The following CAMK4 variants were observed in gnomAD, a reference collection of about 807,000 sequenced individuals.
The protein encoded by CAMK4 is calcium/calmodulin dependent protein kinase IV.
Under a neutral mutation model 44.9 loss-of-function variants are expected in CAMK4, and 22 were observed. That is an observed-to-expected ratio of 0.49 (90% confidence interval 0.35 to 0.70). CAMK4 has a LOEUF of 0.70. Ranked by LOEUF, CAMK4 falls within the 30% of genes least tolerant of loss-of-function variation. CAMK4 has a pLI of 0.01. For synonymous variants in CAMK4, 218 were observed against 215.4 expected, an observed-to-expected ratio of 1.01 and a Z score of -0.11; for missense variants, 498 against 586.8, an observed-to-expected ratio of 0.85 and a Z score of 1.56.
intron 4 of CAMK4, among the ~76,000 whole-genome samples, chr5:111,390,646 A>G (rs1418883352): frequency 6.6e-6 from 1 of 152,226 alleles, no homozygotes; most frequent in Non-Finnish European, 1.5e-5. Context: ...CATCTTATGC[A>G]GTGCTATTAG....
At chr5:111,383,490 A>G (rs1415046696) in intron 4 of CAMK4, among the ~76,000 whole-genome samples, 2 of 152,194 alleles carry the variant, frequency 1.3e-5, no homozygotes, top group South Asian at 2.1e-4. Context: ...CTTATTACTC[A>G]TGGCACAGCA....
intron 1 of CAMK4, among the ~76,000 whole-genome samples, chr5:111,273,677 TTATATATATA>T (rs1160351356): frequency 7.5e-4 from 31 of 41,128 alleles, no homozygotes; most frequent in South Asian, 4.0e-3. Context: ...AAAAATGCAT[TTATATATATA>T]TATATATATA....
At chr5:111,451,678 A>T (rs1306265751) in intron 7 of CAMK4, among the ~76,000 whole-genome samples, 1 of 151,944 alleles carries the variant, frequency 6.6e-6, no homozygotes, top group Non-Finnish European at 1.5e-5. Flanking sequence ...CTGAAATGAG[A>T]GGATTGCTTG....
At chr5:111,237,356 G>A (rs549760084) in intron 1 of CAMK4, among the ~76,000 whole-genome samples, 35 of 152,240 alleles carry the variant, frequency 2.3e-4, no homozygotes, top group African/African-American at 7.5e-4. Context: ...GTGCACCTGC[G>A]TTTTCTTCCA....
rs763990773 is a variant in CAMK4 at position 111,484,120 on chromosome 5, C to T, written c.1076C>T (p.Pro359Leu). 1.2e-6 allele frequency: 2 copies of T among 1,614,186 alleles called. No individual in the cohort carries two copies. The highest frequency in any genetic ancestry group is 2.2e-5 in the South Asian group (2 of 91,078). ...IQESHKASRD[P>L]SPIQDGNEDM... is the part of the protein sequence containing the mutation. The stretch of plus-strand genomic sequence containing the variant: ...GAGAGCCACAAGGCTAGCCGAGACC[C>T]TTCTCCAATCCAAGATGGCAACGAG... The change falls in exon 11 of 11, where the codon CCT becomes CTT. Residue 359 changes from proline (P) to leucine (L), a missense_variant. Transcript: ENST00000282356. The surrounding 1 kb of genome is among the most constrained non-coding windows in gnomAD (Gnocchi z 5.3).
At chr5:111,308,739 G>T (rs1748056332) in intron 1 of CAMK4, among the ~76,000 whole-genome samples, 1 of 152,104 alleles carries the variant, frequency 6.6e-6, no homozygotes. Flanking sequence ...CTTATTACCG[G>T]AGCTTTAGCC....
chr5:111,494,735 A>G lies in CAMK4; in HGVS notation c.*10269A>G, dbSNP rs1376184363. On this transcript the variant is annotated 3_prime_UTR_variant, in exon 11 of 11. Transcript: ENST00000282356. ...ATGGGTGTTGGAAGACTAATTGTAG[A>G]AATTTGACCTGAGGGCCAATGTTAC... 1 of 152,178 alleles carries G rather than the reference A, an allele frequency of 6.6e-6. No individual in the cohort carries two copies. The allele number at this position is 152,178 out of a possible 1,614,324, so 9.4% of individuals were successfully genotyped here. A position where few individuals can be genotyped will look rare whatever the true frequency, so the allele number is the denominator to read the frequency against.
At chr5:111,236,106 A>G (rs1391883909) in intron 1 of CAMK4, among the ~76,000 whole-genome samples, 5 of 152,244 alleles carry the variant, frequency 3.3e-5, no homozygotes, top group African/African-American at 1.2e-4. Context: ...TTTCTGTGAC[A>G]ATCAAATGAG....
chr5:111,227,765 A>G lies in CAMK4; in HGVS notation c.161+3121A>G, dbSNP rs368870290. On this transcript the variant is annotated intron_variant, in intron 1 of 10. Transcript: ENST00000282356. ...TAGGGGTTACGGGTGAATTAAAAGT[A>G]TCAGGCAAAGTAATTTTCCTAAAAT... Among the ~76,000 whole-genome samples, 25 of 152,354 alleles carry G rather than the reference A, an allele frequency of 1.6e-4. 1 individual carries two copies. The highest frequency in any genetic ancestry group is 1.3e-3 in the East Asian group (7 of 5,194).
intron 2 of CAMK4, among the ~76,000 whole-genome samples, chr5:111,354,662 AC>A (rs1750258881): frequency 5.3e-5 from 8 of 151,946 alleles, no homozygotes; most frequent in Admixed American, 5.3e-4. Flanking sequence ...TGAGCTGAGA[AC>A]TCCAGCCTGG....
At chr5:111,240,519 T>C (rs1304953888) in intron 1 of CAMK4, among the ~76,000 whole-genome samples, 1 of 152,262 alleles carries the variant, frequency 6.6e-6, no homozygotes, top group Non-Finnish European at 1.5e-5. Context: ...TTATAGCTGC[T>C]TTTAATTGTC....
intron 1 of CAMK4, among the ~76,000 whole-genome samples, chr5:111,258,479 G>A (rs994052624): frequency 2.3e-4 from 35 of 152,124 alleles, no homozygotes; most frequent in African/African-American, 8.5e-4. Flanking sequence ...GGAGGTGAAA[G>A]GCCCTTCTTA....
intron 7 of CAMK4, among the ~76,000 whole-genome samples, chr5:111,469,158 AAAAAAAAAAAAAAAATAT>A (rs1289009101): frequency 1.2e-5 from 1 of 83,204 alleles, no homozygotes; most frequent in South Asian, 4.0e-4. Context: ...AAAAAAAAAA[AAAAAAAAAAAAAAAATAT>A]ATATATATAT....
intron 1 of CAMK4, among the ~76,000 whole-genome samples, chr5:111,330,031 CTATT>C (rs964133395): frequency 6.6e-6 from 1 of 151,180 alleles, no homozygotes; most frequent in Non-Finnish European, 1.5e-5. Flanking sequence ...TGAAGTAAAA[CTATT>C]TATTCAGATA....
chr5:111,285,502 C>T (rs972488436), intron 1 of CAMK4, among the ~76,000 whole-genome samples: 1 of 152,186 alleles, frequency 6.6e-6, no homozygotes, highest in East Asian at 1.9e-4. Context: ...AAAAGTGCTG[C>T]CCAAACTGAG....
chr5:111,361,678 A>T (rs1228405233), intron 2 of CAMK4, among the ~76,000 whole-genome samples: 1 of 152,030 alleles, frequency 6.6e-6, no homozygotes, highest in Non-Finnish European at 1.5e-5. Context: ...TAGTAAACAT[A>T]TGAAATTGTC....
chr5:111,224,054 TGG>T (rs1377598136), upstream of CAMK4: 1 of 161,594 alleles, frequency 6.2e-6, no homozygotes, highest in African/African-American at 2.4e-5. This position sits in a 1 kb window ranked among gnomAD's most constrained non-coding sequence, Gnocchi z 5.7. Context: ...GGAGGGCGCG[TGG>T]GATGATGCGC....
intron 5 of CAMK4, among the ~76,000 whole-genome samples, chr5:111,433,277 A>G (rs911274190): frequency 3.9e-5 from 6 of 152,246 alleles, no homozygotes; most frequent in Admixed American, 3.3e-4. Context: ...GGAGTAATCT[A>G]GAGTTGTATT....
At chr5:111,370,456 T>C (rs1319658173) in intron 2 of CAMK4, among the ~76,000 whole-genome samples, 3 of 152,088 alleles carry the variant, frequency 2.0e-5, no homozygotes, top group African/African-American at 7.2e-5. Flanking sequence ...ATCAGAAATA[T>C]CTGAAAAATG....
Sources: gnomAD v4.1 joint callset for allele counts (sites outside exome capture counted in the v4.1 genomes callset) on GRCh38, gnomAD v4.1.1 for gene constraint, Gnocchi (gnomAD v3.1) non-coding constraint, MANE v1.5 for transcripts, NCBI Gene and HGNC (gene_info 2026-07-23, HGNC 2026-07-21) for gene names.